The following PKD2L2 variants were observed in gnomAD, a reference collection of about 807,000 sequenced individuals.
PKD2L2 encodes the protein polycystin-2-like protein 2.
A neutral mutation model predicts 83.9 loss-of-function variants in PKD2L2; 67 were observed. The observed-to-expected ratio is 0.80, with a 90% CI of 0.66 to 0.98. PKD2L2 has a LOEUF of 0.98. Ranked by LOEUF, PKD2L2 falls within the 50% of genes least tolerant of loss-of-function variation. The pLI is 0.00. For missense variants in PKD2L2, 632 were observed against 717.2 expected (o/e 0.88, Z 1.36); for synonymous variants, 223 against 237.8 (o/e 0.94, Z 0.57).
chr5:137,924,322 T>C (rs553134303), intron 10 of PKD2L2, among the ~76,000 whole-genome samples: 3 of 152,248 alleles, frequency 2.0e-5, no homozygotes, highest in Non-Finnish European at 2.9e-5. Flanking sequence ...TTTACAATAC[T>C]GTATGTCCCG....
chr5:137,916,663 A>G (rs939220103), intron 8 of PKD2L2, among the ~76,000 whole-genome samples: 4 of 151,734 alleles, frequency 2.6e-5, no homozygotes, highest in Non-Finnish European at 5.9e-5. Flanking sequence ...TATTTTTAGT[A>G]GAGGCGGGGT....
chr5:137,919,471 C>T (rs1170722349), intron 8 of PKD2L2, among the ~76,000 whole-genome samples: 2 of 151,696 alleles, frequency 1.3e-5, no homozygotes, highest in Non-Finnish European at 2.9e-5. Context: ...GGTTACTAAG[C>T]TAACATCTGG....
chr5:137,923,771 A>C lies in PKD2L2; in HGVS notation c.1551+250A>C, dbSNP rs560407946. 9.4e-4 allele frequency among the ~76,000 whole-genome samples: 143 copies of C among 152,310 alleles called. 2 individuals carry two copies. Among genetic ancestry groups the C allele is most frequent in the Non-Finnish European group, 1.6e-3 (112 of 68,034 alleles). On this transcript the variant is annotated intron_variant, in intron 10 of 14. Coordinates refer to ENST00000508883, the MANE Select transcript of PKD2L2 (RefSeq NM_001300921.2). ...AATTATTTCAGAGTTCAATATATCA[A>C]ATAGTTATTGAGTGATTTCCTAAAT...
At chr5:137,923,869 A>C (rs550655206) in intron 10 of PKD2L2, among the ~76,000 whole-genome samples, 1 of 152,230 alleles carries the variant, frequency 6.6e-6, no homozygotes, top group Non-Finnish European at 1.5e-5. Flanking sequence ...ATGCTGTTAA[A>C]TTTCTATCAA....
chr5:137,936,279 T>G (rs7701617), intron 13 of PKD2L2, 41 bp from the exon 14 acceptor site: 1,495,209 of 1,500,760 alleles, frequency 1, 745,026 homozygotes, highest in East Asian at 1. Context: ...ACATGAAAGT[T>G]TATTACTGAC....
intron 7 of PKD2L2, among the ~76,000 whole-genome samples, chr5:137,908,263 C>G (rs1757520258): frequency 6.6e-6 from 1 of 151,792 alleles, no homozygotes; most frequent in Non-Finnish European, 1.5e-5. Context: ...GAGCTGTAAT[C>G]CCCCACTGCA....
intron 6 of PKD2L2, among the ~76,000 whole-genome samples, chr5:137,907,502 A>G (rs902588774): frequency 3.8e-4 from 58 of 152,226 alleles, no homozygotes; most frequent in African/African-American, 1.3e-3. Context: ...GCAAAGAAAC[A>G]AAGATTTAGA....
chr5:137,900,254 G>A (rs895021499), intron 5 of PKD2L2, among the ~76,000 whole-genome samples: 21 of 152,136 alleles, frequency 1.4e-4, no homozygotes, highest in Admixed American at 1.1e-3. Flanking sequence ...TTAAAGTGTC[G>A]TGTGATGCTC....
intron 5 of PKD2L2, among the ~76,000 whole-genome samples, chr5:137,903,251 T>C (rs1003247537): frequency 4.6e-5 from 7 of 152,156 alleles, no homozygotes; most frequent in Non-Finnish European, 7.3e-5. Context: ...AAAGAGCAAG[T>C]TCTAATGTAC....
At chr5:137,905,357 T>A (rs1317468799) in intron 5 of PKD2L2, among the ~76,000 whole-genome samples, 1 of 152,202 alleles carries the variant, frequency 6.6e-6, no homozygotes, top group East Asian at 1.9e-4. Context: ...TTTTGATTAG[T>A]CTACACTTCA....
intron 14 of PKD2L2, chr5:137,938,560 G>C (rs1486840295): frequency 6.6e-6 from 1 of 152,484 alleles, no homozygotes; most frequent in Non-Finnish European, 1.5e-5. Flanking sequence ...TAACCTAGTT[G>C]TATCAAAAGG....
chr5:137,919,806 T>G (rs1360885276), intron 8 of PKD2L2, among the ~76,000 whole-genome samples: 1 of 152,232 alleles, frequency 6.6e-6, no homozygotes, highest in Non-Finnish European at 1.5e-5. Flanking sequence ...GAATGCTTTT[T>G]CTTCCTTCAT....
intron 8 of PKD2L2, among the ~76,000 whole-genome samples, chr5:137,911,721 T>C (rs6863906): frequency 0.017 from 2,582 of 152,276 alleles, 39 homozygotes; most frequent in Non-Finnish European, 0.025. Context: ...TTATTAACTA[T>C]AGTCACCATG....
intron 8 of PKD2L2, among the ~76,000 whole-genome samples, chr5:137,921,164 C>T (rs1284951102): frequency 2.6e-5 from 4 of 151,986 alleles, no homozygotes; most frequent in Admixed American, 2.6e-4. Context: ...AGTTTGAGAT[C>T]AGCCTGGCCA....
chr5:137,896,811 T>C (rs947178388), intron 4 of PKD2L2, among the ~76,000 whole-genome samples: 6 of 152,120 alleles, frequency 3.9e-5, no homozygotes, highest in Admixed American at 3.9e-4. Context: ...CTCAATATAG[T>C]TATATCATAA....
intron 8 of PKD2L2, 131 bp downstream of exon 8, chr5:137,909,077 T>G: frequency 1.7e-6 from 1 of 585,414 alleles, no homozygotes; most frequent in East Asian, 3.2e-5. Context: ...TATTTTCTTT[T>G]TCTTTTTATT....
Position 137,907,883 on chromosome 5 carries a change from G to T in PKD2L2, c.1117G>T (p.Ala373Ser). The stretch of plus-strand genomic sequence containing the variant: ...GCACATTTATTACAATAATATAATT[G>T]CTATTACCATCTTTTTTGCATGGAT... ...CWHIYYNNII[A>S]ITIFFAWIKI... The change falls in exon 7 of 15, where the codon GCT becomes TCT. Residue 373 changes from alanine to serine, a missense_variant. Ala to Ser is a moderately conservative substitution (Grantham distance 99, BLOSUM62 1). Transcript: ENST00000508883. 4 of 1,452,900 alleles carry T rather than the reference G, an allele frequency of 2.8e-6. No individual in the cohort carries two copies. Among genetic ancestry groups the T allele is most frequent in the East Asian group, 2.3e-5 (1 of 43,586 alleles). 90.0% of individuals were successfully genotyped at this position (1,452,900 alleles called of 1,614,324 possible).
At chr5:137,942,260 G>A (rs1479352923) in intron 14 of PKD2L2, 124 bp from the exon 15 acceptor site, 6 of 556,216 alleles carry the variant, frequency 1.1e-5, no homozygotes, top group African/African-American at 1.9e-5. Context: ...CAGAACCAGT[G>A]ACATACACCA....
intron 6 of PKD2L2, among the ~76,000 whole-genome samples, chr5:137,907,306 C>A (rs1233257835): frequency 6.6e-6 from 1 of 152,102 alleles, no homozygotes; most frequent in African/African-American, 2.4e-5. Context: ...GCTAAAACAA[C>A]CTGGTTCTGA....
Sources: allele counts gnomAD v4.1 joint callset (sites outside exome capture counted in the v4.1 genomes callset), GRCh38; gene constraint gnomAD v4.1.1; transcripts MANE v1.5; gene names NCBI Gene and HGNC (gene_info 2026-07-23, HGNC 2026-07-21).